KATNAL2: variants seen among roughly 807,000 people sequenced by gnomAD.
KATNAL2 encodes the protein katanin p60 ATPase-containing subunit A-like 2.
KATNAL2 carries 52 observed loss-of-function variants against 76.3 expected under a neutral mutation model. That is an observed-to-expected ratio of 0.68 (90% confidence interval 0.55 to 0.86). KATNAL2 has a LOEUF of 0.86. KATNAL2 is among the 40% of genes least tolerant of loss of function. The pLI is 0.00. For synonymous variants in KATNAL2, 243 were observed against 244.2 expected (o/e 1.00, Z 0.05); for missense variants, 660 against 668.9 (o/e 0.99, Z 0.15).
chr18:46,959,928 A>G (rs1569023743), intron 3 of KATNAL2, among the ~76,000 whole-genome samples: 1 of 152,194 alleles, frequency 6.6e-6, no homozygotes, highest in Non-Finnish European at 1.5e-5. Context: ...AATACATCCT[A>G]TAAACATTTT....
At chr18:47,084,310 G>A (rs1429516799) in intron 15 of KATNAL2, 2 of 702,678 alleles carry the variant, frequency 2.8e-6, no homozygotes, top group African/African-American at 1.7e-5. Context: ...ATAAGCAGAT[G>A]TAACCCTTGT....
intron 1 of KATNAL2, among the ~76,000 whole-genome samples, chr18:46,941,249 G>A (rs1238189215): frequency 6.6e-6 from 1 of 151,796 alleles, no homozygotes; most frequent in Non-Finnish European, 1.5e-5. Context: ...TGAGGCAGGG[G>A]AATCGCTTGA....
intron 3 of KATNAL2, among the ~76,000 whole-genome samples, chr18:47,040,462 C>A (rs1195018088): frequency 1.3e-5 from 2 of 152,150 alleles, no homozygotes; most frequent in Non-Finnish European, 2.9e-5. Flanking sequence ...GAGCATTGGC[C>A]TAGAAGCCAA....
Position 46,962,158 on chromosome 18 carries a change from G to C in KATNAL2, c.51+15235G>C, listed in dbSNP as rs1438030192. ...GGGACCACAGGGGCCGTGCCACCAC[G>C]CCGGGCTCATTTTGGTATCTTTTGT... On this transcript the variant is annotated intron_variant, in intron 3 of 17. Transcript: ENST00000683218. Among the ~76,000 whole-genome samples, 4 of 136,254 alleles carry C rather than the reference G, an allele frequency of 2.9e-5. 1 individual carries two copies. Among genetic ancestry groups the C allele is most frequent in the Non-Finnish European group, 6.0e-5 (4 of 66,788 alleles). 89.4% of individuals were successfully genotyped at this position (136,254 alleles called of 152,430 possible). A position where few individuals can be genotyped will look rare whatever the true frequency, so the allele number is the denominator to read the frequency against.
chr18:46,931,442 A>G (rs2058919382), intron 1 of KATNAL2, among the ~76,000 whole-genome samples: 1 of 152,114 alleles, frequency 6.6e-6, no homozygotes, highest in Non-Finnish European at 1.5e-5. Flanking sequence ...ACCTGAGGTC[A>G]GGAGTTCGAG....
At chr18:47,065,460 A>G (rs542127036) in intron 10 of KATNAL2, among the ~76,000 whole-genome samples, 2 of 152,014 alleles carry the variant, frequency 1.3e-5, no homozygotes, top group South Asian at 4.2e-4. Flanking sequence ...GGGGGGGAAC[A>G]GGGAGAGGTT....
In KATNAL2 at chr18:46,946,542, T is replaced by C. The variant is rs2059384992; in HGVS notation, c.-24T>C. On this transcript the variant is annotated 5_prime_UTR_variant, in exon 2 of 18. Coordinates refer to ENST00000683218, the MANE Select transcript of KATNAL2 (RefSeq NM_001387690.1). ...CAACGGCTGAAATCAAGGACAAATA[T>C]TATGGTACATGGCCCTGGGTCAGCT... 1.0e-5 allele frequency: 10 copies of C among 985,290 alleles called. No individual in the cohort carries two copies. The highest frequency in any genetic ancestry group is 1.2e-5 in the Non-Finnish European group (10 of 829,932). The allele number at this position is 985,290 out of a possible 1,614,324, so 61.0% of individuals were successfully genotyped here.
At chr18:47,071,967 T>C (rs2062024258) in intron 13 of KATNAL2, among the ~76,000 whole-genome samples, 4 of 103,844 alleles carry the variant, frequency 3.9e-5, no homozygotes, top group South Asian at 4.3e-4. Flanking sequence ...TTTTTTTTTT[T>C]TTTTTTTTTT....
intron 3 of KATNAL2, chr18:47,032,796 C>G: frequency 1.2e-6 from 1 of 868,028 alleles, no homozygotes. Flanking sequence ...CTTCTGAATT[C>G]TGAGGTGTTC....
intron 13 of KATNAL2, among the ~76,000 whole-genome samples, chr18:47,071,347 T>G (rs923860174): frequency 6.6e-6 from 1 of 152,154 alleles, no homozygotes; most frequent in African/African-American, 2.4e-5. Flanking sequence ...TGTTCCCTTT[T>G]GTACCTGGCT....
intron 15 of KATNAL2, among the ~76,000 whole-genome samples, chr18:47,095,344 C>T (rs1385729380): frequency 6.6e-6 from 1 of 152,184 alleles, no homozygotes; most frequent in African/African-American, 2.4e-5. Context: ...ATAATCCCCA[C>T]CTGTCAAGGA....
In KATNAL2 at chr18:47,084,873, A is replaced by T. The variant is rs1369919664; in HGVS notation, c.1211+7412A>T. 2.0e-5 allele frequency among the ~76,000 whole-genome samples: 3 copies of T among 149,200 alleles called. 1 individual carries two copies. The highest frequency in any genetic ancestry group is 7.4e-5 in the African/African-American group (3 of 40,786). ...AAAAAAAAAAAAAAAAAAAAAAAAA[A>T]AAGCCTGCCTCTGGACTCTTGTACT... On this transcript the variant is annotated intron_variant, in intron 15 of 17. Transcript: ENST00000683218.
rs756899737 is a variant in KATNAL2, at chr18:47,052,933, G to C, written c.176G>C (p.Arg59Pro). The change falls in exon 5 of 18, where the codon CGG (arginine) becomes CCG (proline). Residue 59 changes from arginine to proline, a missense_variant. Coordinates refer to ENST00000683218, the MANE Select transcript of KATNAL2 (RefSeq NM_001387690.1). ...LEQETKLGLR[R>P]FEVCDNIDLE... is the part of the protein sequence containing the mutation. Reference sequence around the variant, plus strand: ...CAAGAAACTAAACTGGGGTTACGACGGTTTGAAGTTTGTGACAACATTGAT... The same window carrying C: ...CAAGAAACTAAACTGGGGTTACGACCGTTTGAAGTTTGTGACAACATTGAT... 6.2e-7 allele frequency: 1 copy of C among 1,612,066 alleles called. No homozygotes were observed.
In KATNAL2 at chr18:47,044,169, C is replaced by T. The variant is rs148120435; in HGVS notation, c.52-2288C>T. Among the ~76,000 whole-genome samples the T allele has an allele frequency of 1.5e-3, 232 of 151,582 alleles. 4 individuals carry two copies. The East Asian group carries it at 0.037, about 24-fold the overall frequency. On this transcript the variant is annotated intron_variant, in intron 3 of 17. Coordinates refer to ENST00000683218, the MANE Select transcript of KATNAL2 (RefSeq NM_001387690.1). The stretch of plus-strand genomic sequence containing the variant: ...GGAAGAAGAATTCCCTTGGGCCACA[C>T]ATAAAATACACTAACACTAATGATA...
At chr18:47,060,241 C>T (rs2023216353) in intron 8 of KATNAL2, among the ~76,000 whole-genome samples, 2 of 152,110 alleles carry the variant, frequency 1.3e-5, no homozygotes, top group South Asian at 4.1e-4. Flanking sequence ...AAGCAATCCT[C>T]CTGTCTGGGC....
At chr18:47,086,040 C>T (rs2062758989) in intron 15 of KATNAL2, among the ~76,000 whole-genome samples, 2 of 152,098 alleles carry the variant, frequency 1.3e-5, no homozygotes, top group South Asian at 4.2e-4. Context: ...CTAAAGTGAG[C>T]TATGATCACA....
chr18:46,938,809 C>T (rs2059163252), intron 1 of KATNAL2, among the ~76,000 whole-genome samples: 2 of 152,084 alleles, frequency 1.3e-5, no homozygotes, highest in Admixed American at 1.3e-4. Context: ...ATCCCTGGTT[C>T]ACTTAGTGTC....
chr18:47,095,433 G>A (rs2063188356), intron 15 of KATNAL2, among the ~76,000 whole-genome samples: 1 of 152,126 alleles, frequency 6.6e-6, no homozygotes, highest in Non-Finnish European at 1.5e-5. Flanking sequence ...GCACCTTGAT[G>A]GTTTTATAAG....
intron 8 of KATNAL2, among the ~76,000 whole-genome samples, chr18:47,059,899 G>T (rs918919353): frequency 7.9e-5 from 12 of 152,126 alleles, no homozygotes; most frequent in African/African-American, 2.9e-4. Context: ...TGTAAATTGA[G>T]GGGCTTGGAA....
Sources: gnomAD v4.1 joint callset for allele counts (sites outside exome capture counted in the v4.1 genomes callset) on GRCh38, gnomAD v4.1.1 for gene constraint, MANE v1.5 for transcripts, NCBI Gene and HGNC (gene_info 2026-07-23, HGNC 2026-07-21) for gene names.